The following HIBCH variants were observed in gnomAD, a reference collection of about 807,000 sequenced individuals.
HIBCH encodes 3-hydroxyisobutyryl-CoA hydrolase, also known as 3-hydroxyisobutyryl-CoA hydrolase, mitochondrial.
A neutral mutation model predicts 58.2 loss-of-function variants in HIBCH; 50 were observed. The observed-to-expected ratio is 0.86, with a 90% CI of 0.68 to 1.09. The LOEUF is 1.09. Ranked by LOEUF, HIBCH falls within the 50% of genes least tolerant of loss-of-function variation. HIBCH has a pLI of 0.00. For missense variants in HIBCH, 450 were observed against 449.7 expected (o/e 1.00, Z -0.01); for synonymous variants, 151 against 146.9 (o/e 1.03, Z -0.20).
intron 2 of HIBCH, among the ~76,000 whole-genome samples, chr2:190,303,718 T>C (rs181674832): frequency 4.7e-4 from 72 of 152,316 alleles, no homozygotes; most frequent in African/African-American, 1.7e-3. Context: ...CTGGACTTAC[T>C]GACTTGCTTT....
chr2:190,238,534 G>C (rs928994220), intron 11 of HIBCH, among the ~76,000 whole-genome samples: 3 of 152,118 alleles, frequency 2.0e-5, no homozygotes, highest in South Asian at 2.1e-4. Flanking sequence ...GGGTGATCTT[G>C]GCTCACTACA....
intron 7 of HIBCH, among the ~76,000 whole-genome samples, chr2:190,258,160 T>C (rs145765126): frequency 1.8e-4 from 27 of 152,266 alleles, no homozygotes; most frequent in Admixed American, 3.9e-4. Context: ...TCTGGTTGTT[T>C]TAAAGTGTGC....
intron 10 of HIBCH, chr2:190,245,184 T>G (rs924136882): frequency 2.0e-6 from 1 of 510,418 alleles, no homozygotes; most frequent in Admixed American, 3.3e-5. Flanking sequence ...TAAATTTTAT[T>G]TTTTCTTTTG....
At chr2:190,251,417 T>C (rs751896625) in intron 8 of HIBCH, 10 of 341,450 alleles carry the variant, frequency 2.9e-5, no homozygotes, top group Non-Finnish European at 4.8e-5. Context: ...GCCAGTCCAG[T>C]CAGAGTGAAC....
downstream of HIBCH, chr2:190,201,898 T>C (rs1294093379): frequency 6.0e-6 from 1 of 166,980 alleles, no homozygotes; most frequent in Non-Finnish European, 1.5e-5. Context: ...AAAGCCTAGG[T>C]GTGGTTGTTT....
chr2:190,218,015 G>A (rs527786413), intron 11 of HIBCH, among the ~76,000 whole-genome samples: 1 of 152,096 alleles, frequency 6.6e-6, no homozygotes, highest in Non-Finnish European at 1.5e-5. Context: ...CTATTGGATA[G>A]GGCCCAGTAC....
rs1230480873 is a variant in HIBCH at position 190,206,348 on chromosome 2, A to C, written c.1046-1116T>G. On this transcript the variant is annotated intron_variant, in intron 13 of 13. Transcript: ENST00000359678. The surrounding 1 kb of genome is among the most constrained non-coding windows in gnomAD (Gnocchi z 5.1). ...TATATTCCGTGGACAGTGTAAACAA[A>C]GAACAACCCCGGCACATTTTTTCCA... 6.6e-6 allele frequency among the ~76,000 whole-genome samples: 1 copy of C among 152,246 alleles called. No homozygotes were observed. The highest frequency in any genetic ancestry group is 2.4e-5 in the African/African-American group (1 of 41,458).
chr2:190,261,142 T>C lies in HIBCH; in HGVS notation c.517+14A>G. The C allele has an allele frequency of 6.3e-7, 1 of 1,594,758 alleles. No individual in the cohort carries two copies. The highest frequency in any genetic ancestry group is 8.6e-7 in the Non-Finnish European group (1 of 1,163,146). On this transcript the variant is annotated intron_variant, in intron 7 of 13. Coordinates refer to ENST00000359678, the MANE Select transcript of HIBCH (RefSeq NM_014362.4). ...ATGCTAAAAGTAATTATAAAAAAAATTCTGGTTGTTTACCTATTGCAGTTT... is the reference window on the plus strand; with the variant it reads ...ATGCTAAAAGTAATTATAAAAAAAACTCTGGTTGTTTACCTATTGCAGTTT...
chr2:190,222,409 G>A (rs1178729214), intron 11 of HIBCH, among the ~76,000 whole-genome samples: 2 of 150,646 alleles, frequency 1.3e-5, no homozygotes, highest in South Asian at 2.1e-4. Context: ...GGCTGAAGAA[G>A]TCAAAAAGGA....
intron 11 of HIBCH, among the ~76,000 whole-genome samples, chr2:190,219,088 G>C (rs2105907756): frequency 6.6e-6 from 1 of 152,324 alleles, no homozygotes; most frequent in Admixed American, 6.5e-5. Flanking sequence ...TTGTGCCTTA[G>C]TTCACTTGGC....
chr2:190,222,457 A>G (rs7565423), intron 11 of HIBCH, among the ~76,000 whole-genome samples: 46,131 of 151,938 alleles, frequency 0.3, 7,927 homozygotes, highest in East Asian at 0.46. Context: ...CATTGCATCA[A>G]GTAATAATTA....
At chr2:190,269,976 C>T (rs955348906) in intron 6 of HIBCH, among the ~76,000 whole-genome samples, 1 of 151,936 alleles carries the variant, frequency 6.6e-6, no homozygotes, top group Non-Finnish European at 1.5e-5. Context: ...ACACAGGTAC[C>T]GAAAACCAAA....
chr2:190,262,088 T>A (rs1687103151), intron 6 of HIBCH, among the ~76,000 whole-genome samples: 1 of 149,440 alleles, frequency 6.7e-6, no homozygotes, highest in Non-Finnish European at 1.5e-5. Flanking sequence ...GCAGTGAAGC[T>A]TAAAGGTCAT....
chr2:190,230,012 A>G (rs1352342028), intron 11 of HIBCH, among the ~76,000 whole-genome samples: 1 of 152,198 alleles, frequency 6.6e-6, no homozygotes, highest in Non-Finnish European at 1.5e-5. Context: ...TCTCTCATAT[A>G]TGCCTGCTCA....
intron 2 of HIBCH, among the ~76,000 whole-genome samples, chr2:190,308,600 T>C (rs888019815): frequency 1.3e-5 from 2 of 152,198 alleles, no homozygotes; most frequent in Non-Finnish European, 2.9e-5. Flanking sequence ...TGATGTCCTA[T>C]ACCGCCTTAG....
At chr2:190,223,280 A>G (rs946817866) in intron 11 of HIBCH, among the ~76,000 whole-genome samples, 1 of 152,154 alleles carries the variant, frequency 6.6e-6, no homozygotes, top group African/African-American at 2.4e-5. Flanking sequence ...AAAAAAATAA[A>G]TAAGAGACAG....
At chr2:190,199,893 A>G (rs185847749), downstream of HIBCH, 141 of 1,613,944 alleles carry the variant, frequency 8.7e-5, no homozygotes, top group East Asian at 3.0e-3. Flanking sequence ...AAACTTTCCC[A>G]TTTCCTACCA....
intron 11 of HIBCH, among the ~76,000 whole-genome samples, chr2:190,223,799 T>C (rs961920288): frequency 2.5e-4 from 38 of 152,176 alleles, no homozygotes; most frequent in African/African-American, 9.2e-4. Flanking sequence ...ACACAGAAGA[T>C]GGCCGAATAG....
intron 1 of HIBCH, among the ~76,000 whole-genome samples, chr2:190,318,978 C>T (rs995601139): frequency 3.9e-5 from 6 of 152,142 alleles, no homozygotes; most frequent in African/African-American, 1.4e-4. Flanking sequence ...AAGGCAAACT[C>T]TAAGGCTTAA....
Sources: gnomAD v4.1 joint callset for allele counts (sites outside exome capture counted in the v4.1 genomes callset) on GRCh38, gnomAD v4.1.1 for gene constraint, Gnocchi (gnomAD v3.1) non-coding constraint, MANE v1.5 for transcripts, NCBI Gene and HGNC (gene_info 2026-07-23, HGNC 2026-07-21) for gene names.